Variants in PSD3 observed in about 807,000 individuals in gnomAD.
PSD3 encodes the protein pleckstrin and Sec7 domain containing 3.
In PSD3, 49 loss-of-function variants were observed where a neutral mutation model predicts 105.5. The observed-to-expected ratio is 0.46, with a 90% CI of 0.37 to 0.59. The LOEUF is 0.59. Among genes scored for constraint, PSD3 ranks in the 20% least tolerant of loss-of-function variants. PSD3 has a pLI of 0.00. For synonymous variants in PSD3, 557 were observed against 457.8 expected (o/e 1.22, Z -2.77); for missense variants, 1,561 against 1,263.8 (o/e 1.24, Z -3.57).
chr8:18,530,969 C>G lies in PSD3; in HGVS notation c.*4774G>C, dbSNP rs1349332462. The G allele has an allele frequency of 6.6e-6, 1 of 152,154 alleles. No homozygotes were observed. The highest frequency in any genetic ancestry group is 1.5e-5 in the Non-Finnish European group (1 of 68,036). The allele number at this position is 152,154 out of a possible 1,614,324, so 9.4% of individuals were successfully genotyped here. A position where few individuals can be genotyped will look rare whatever the true frequency, so the allele number is the denominator to read the frequency against. On this transcript the variant is annotated 3_prime_UTR_variant, in exon 16 of 16. Transcript: ENST00000327040. The stretch of plus-strand genomic sequence containing the variant: ...GGTTGTACTTGCTTTTCATATCACA[C>G]TGATTAAGGACAAAAATAATTTTGA...
rs373688617 is a variant in PSD3, at chr8:18,757,298, C to CAAA, written c.2172+8148_2172+8150dup. 3.4e-4 allele frequency among the ~76,000 whole-genome samples: 42 copies of CAAA among 123,088 alleles called. No individual in the cohort carries two copies. In the South Asian group the frequency reaches 4.7e-3, roughly 14 times the overall value. The allele number at this position is 123,088 out of a possible 152,430, so 80.8% of individuals were successfully genotyped here. On this transcript the variant is annotated intron_variant, in intron 9 of 15. Transcript: ENST00000327040. ...TAAAACCCTGTCTCTACCAAAAATACAAAAAAAAAAAAAAAATTAGCTGGG... is the reference window on the plus strand; with the variant it reads ...TAAAACCCTGTCTCTACCAAAAATACAAAAAAAAAAAAAAAAAAATTAGCTGGG...
chr8:18,776,086 C>T (rs910242914), intron 8 of PSD3, among the ~76,000 whole-genome samples: 1 of 151,854 alleles, frequency 6.6e-6, no homozygotes, highest in African/African-American at 2.4e-5. Context: ...TTCTGAGCAC[C>T]ATTTATTGAA....
At chr8:18,896,668 C>T (rs371721157) in intron 2 of PSD3, among the ~76,000 whole-genome samples, 1 of 152,130 alleles carries the variant, frequency 6.6e-6, no homozygotes, top group South Asian at 2.1e-4. Context: ...CCACCTCGGC[C>T]TCCCAAAGTG....
chr8:18,832,653 C>G (rs1370956315), intron 4 of PSD3, among the ~76,000 whole-genome samples: 1 of 152,094 alleles, frequency 6.6e-6, no homozygotes, highest in Non-Finnish European at 1.5e-5. Context: ...AAAGACACAC[C>G]CAAGACTGGG....
At chr8:18,752,535 T>TATAATATATATAATATATA (rs1805617104) in intron 9 of PSD3, among the ~76,000 whole-genome samples, 1 of 22,406 alleles carries the variant, frequency 4.5e-5, no homozygotes, top group Non-Finnish European at 6.9e-5. Context: ...TATAATTATA[T>TATAATATATATAATATATA]ATTATATATA....
At chr8:18,691,954 A>G (rs941348073) in intron 9 of PSD3, among the ~76,000 whole-genome samples, 19 of 152,224 alleles carry the variant, frequency 1.2e-4, no homozygotes, top group African/African-American at 4.3e-4. Flanking sequence ...TTCATTTATC[A>G]AAAGTCCTCT....
At chr8:18,567,879 G>T (rs1424860936) in intron 14 of PSD3, among the ~76,000 whole-genome samples, 1 of 152,192 alleles carries the variant, frequency 6.6e-6, no homozygotes, top group Non-Finnish European at 1.5e-5. Flanking sequence ...AATGTTGGAG[G>T]TGGGACCTGG....
chr8:18,723,164 G>A (rs1174741862), intron 9 of PSD3, among the ~76,000 whole-genome samples: 1 of 152,096 alleles, frequency 6.6e-6, no homozygotes, highest in Non-Finnish European at 1.5e-5. Context: ...TATTTCCTCC[G>A]TGGGCAGTGC....
At chr8:18,972,740 A>G (rs1392747039) in intron 1 of PSD3, among the ~76,000 whole-genome samples, 1 of 152,226 alleles carries the variant, frequency 6.6e-6, no homozygotes, top group Non-Finnish European at 1.5e-5. Context: ...TAAACCAGAA[A>G]GAGGACACTC....
intron 9 of PSD3, among the ~76,000 whole-genome samples, chr8:18,712,553 A>C (rs970223270): frequency 6.6e-6 from 1 of 152,128 alleles, no homozygotes; most frequent in Admixed American, 6.6e-5. Context: ...ACATACACAC[A>C]TACACCTTCC....
At chr8:18,899,607 T>C (rs1039410285) in intron 2 of PSD3, among the ~76,000 whole-genome samples, 10 of 152,026 alleles carry the variant, frequency 6.6e-5, no homozygotes, top group African/African-American at 2.4e-4. Context: ...GGCAAGCAGA[T>C]GACTTCGATG....
chr8:18,563,936 G>A (rs549650098), intron 14 of PSD3, among the ~76,000 whole-genome samples: 262 of 152,258 alleles, frequency 1.7e-3, no homozygotes, highest in Admixed American at 3.3e-3. Flanking sequence ...AAAGTGGGGT[G>A]TGTGTAGCCC....
Position 18,818,741 on chromosome 8 carries a change from T to C in PSD3, c.1635-13843A>G, listed in dbSNP as rs141919904. On this transcript the variant is annotated intron_variant, in intron 4 of 15. Transcript: ENST00000327040. ...AAGAATGAAGAGTCTTTAAAATCAGTTGGGAAGAAAAACATTGCATTTTCT... is the reference window on the plus strand; with the variant it reads ...AAGAATGAAGAGTCTTTAAAATCAGCTGGGAAGAAAAACATTGCATTTTCT... Among the ~76,000 whole-genome samples, 7 of 152,240 alleles carry C rather than the reference T, an allele frequency of 4.6e-5. No homozygotes were observed. In the East Asian group the frequency reaches 5.8e-4, roughly 13 times the overall value.
At chr8:18,690,295 G>C (rs190815253) in intron 9 of PSD3, among the ~76,000 whole-genome samples, 1 of 152,262 alleles carries the variant, frequency 6.6e-6, no homozygotes, top group East Asian at 1.9e-4. Flanking sequence ...TTCGTTCTCT[G>C]AGTGCTATTC....
At position 18,531,418 on chromosome 8, in the gene PSD3, T is replaced by G. The variant is rs1032987228; in HGVS notation, c.*4325A>C. On this transcript the variant is annotated 3_prime_UTR_variant, in exon 16 of 16. Coordinates refer to ENST00000327040, the MANE Select transcript of PSD3 (RefSeq NM_015310.4). ...AATGCCTTTGGATTTCAGTCCTTCC[T>G]TTATGGATGAGAGATGGAAAAGGAA... 6.6e-6 allele frequency: 1 copy of G among 152,526 alleles called. No individual in the cohort carries two copies. The highest frequency in any genetic ancestry group is 2.4e-5 in the African/African-American group (1 of 41,450). The allele number at this position is 152,526 out of a possible 1,614,324, so 9.4% of individuals were successfully genotyped here. A position where few individuals can be genotyped will look rare whatever the true frequency, so the allele number is the denominator to read the frequency against.
At chr8:18,862,487 G>C (rs189053869) in intron 4 of PSD3, among the ~76,000 whole-genome samples, 1 of 151,968 alleles carries the variant, frequency 6.6e-6, no homozygotes. Context: ...AAAAGAAAAG[G>C]ATTAAAGAGA....
intron 4 of PSD3, among the ~76,000 whole-genome samples, chr8:18,824,350 A>G (rs1813005365): frequency 6.6e-6 from 1 of 152,218 alleles, no homozygotes; most frequent in South Asian, 2.1e-4. Flanking sequence ...AACATGGTGA[A>G]GAGAAAAGAA....
chr8:18,830,211 G>T (rs557405123), intron 4 of PSD3, among the ~76,000 whole-genome samples: 1 of 152,216 alleles, frequency 6.6e-6, no homozygotes, highest in South Asian at 2.1e-4. Flanking sequence ...CAAAGTGCTG[G>T]GATTACAGGT....
intron 9 of PSD3, among the ~76,000 whole-genome samples, chr8:18,666,779 C>G (rs1799492515): frequency 6.6e-6 from 1 of 151,054 alleles, no homozygotes; most frequent in Non-Finnish European, 1.5e-5. Flanking sequence ...GGCAAATGTT[C>G]AAGTATGTCA....
Sources: allele counts gnomAD v4.1 joint callset (sites outside exome capture counted in the v4.1 genomes callset), GRCh38; gene constraint gnomAD v4.1.1; transcripts MANE v1.5; gene names NCBI Gene and HGNC (gene_info 2026-07-23, HGNC 2026-07-21).